The following ARID1B variants were observed in gnomAD, a reference collection of about 807,000 sequenced individuals.
ARID1B encodes the protein AT-rich interaction domain 1B.
ARID1B carries 30 observed loss-of-function variants against 212.3 expected under a neutral mutation model. That is an observed-to-expected ratio of 0.14 (90% confidence interval 0.11 to 0.19). The LOEUF is 0.19. Among genes scored for constraint, ARID1B ranks in the 10% least tolerant of loss-of-function variants. The probability of loss-of-function intolerance (pLI) is 1.00; values close to 1 mark genes in which losing one functional copy is unlikely to be tolerated. For missense variants in ARID1B, 2,891 were observed against 3,204.0 expected (o/e 0.90, Z 2.36); for synonymous variants, 1,402 against 1,301.7 (o/e 1.08, Z -1.66).
chr6:157,189,982 T>A, intron 14 of ARID1B, 56 bp from the exon 15 acceptor site: 1 of 1,596,502 alleles, frequency 6.3e-7, no homozygotes, highest in Non-Finnish European at 8.5e-7. Context: ...CTGAATGTAC[T>A]GTTTGGAGGT....
chr6:156,800,877 A>G (rs185211390), intron 1 of ARID1B, among the ~76,000 whole-genome samples: 4 of 152,290 alleles, frequency 2.6e-5, no homozygotes, highest in South Asian at 4.1e-4. Flanking sequence ...CCTGGGAGAT[A>G]GAGAAAGACC....
At position 156,787,158 on chromosome 6, in the gene ARID1B, A is replaced by G. The variant is rs191733124; in HGVS notation, c.1791+7687A>G. ...GGAAAATATAATCACTTTCAAATTT[A>G]TATAGAATGGTCCTTTTTCTTTTTC... is the stretch of plus-strand genomic sequence containing the variant. On this transcript the variant is annotated intron_variant, in intron 1 of 19. Transcript: ENST00000636930. Among the ~76,000 whole-genome samples the G allele has an allele frequency of 2.0e-5, 3 of 152,292 alleles. No individual in the cohort carries two copies. In the East Asian group the frequency reaches 5.8e-4, roughly 29 times the overall value.
chr6:156,887,501 T>C (rs566573733), intron 2 of ARID1B, among the ~76,000 whole-genome samples: 2 of 152,358 alleles, frequency 1.3e-5, no homozygotes, highest in African/African-American at 4.8e-5. Flanking sequence ...AGTATCTTCA[T>C]GGAACACTTA....
rs150219790 is a variant in ARID1B at position 156,801,258 on chromosome 6, T to C, written c.1791+21787T>C. Among the ~76,000 whole-genome samples, 344 of 146,250 alleles carry C rather than the reference T, an allele frequency of 2.4e-3. 1 individual carries two copies. Among genetic ancestry groups the C allele is most frequent in the African/African-American group, 8.3e-3 (324 of 38,960 alleles). On this transcript the variant is annotated intron_variant, in intron 1 of 19. Transcript: ENST00000636930. ...CTCTGTTGCCCACTCTGGAGTGCAG[T>C]GGTGCAATCTCGGCTCACTGCAACC...
intron 4 of ARID1B, among the ~76,000 whole-genome samples, chr6:156,983,863 G>T (rs1777767132): frequency 6.6e-6 from 1 of 152,130 alleles, no homozygotes; most frequent in African/African-American, 2.4e-5. Flanking sequence ...GGTTATACCA[G>T]CTGTGTTAAT....
chr6:156,922,202 T>C (rs1790865361), intron 3 of ARID1B, among the ~76,000 whole-genome samples: 1 of 150,078 alleles, frequency 6.7e-6, no homozygotes, highest in Non-Finnish European at 1.5e-5. Flanking sequence ...AGATGGAGTC[T>C]TGCTGTGTCG....
At chr6:157,155,788 G>C (rs1025552692) in intron 8 of ARID1B, among the ~76,000 whole-genome samples, 1 of 152,162 alleles carries the variant, frequency 6.6e-6, no homozygotes, top group Non-Finnish European at 1.5e-5. Context: ...AATATTTTGG[G>C]AGAGAATGTG....
rs766340916 is a variant in ARID1B, at chr6:157,181,077, G to C, written c.3613G>C (p.Glu1205Gln). 3.1e-6 allele frequency: 5 copies of C among 1,614,086 alleles called. No homozygotes were observed. Among genetic ancestry groups the C allele is most frequent in the Non-Finnish European group, 4.2e-6 (5 of 1,180,050 alleles). Residue 1205 changes from glutamate to glutamine, a missense_variant, in exon 12 of 20, where the codon GAG becomes CAG. This residue lies in a region of ARID1B where 666 missense variants were observed against 873.5 expected (regional missense o/e 0.76). Coordinates refer to ENST00000636930, the MANE Select transcript of ARID1B (RefSeq NM_001374828.1). ...WVDRYLTFMEERGSPVSSLPA... is the reference protein window; with the variant it reads ...WVDRYLTFMEQRGSPVSSLPA... The stretch of plus-strand genomic sequence containing the variant: ...CGACCGATACCTCACCTTCATGGAA[G>C]AGAGAGGCTCTCCTGTCTCAAGTCT...
At chr6:156,963,353 CTCTT>C (rs1456521057) in intron 4 of ARID1B, among the ~76,000 whole-genome samples, 2 of 152,108 alleles carry the variant, frequency 1.3e-5, no homozygotes, top group African/African-American at 4.8e-5. Flanking sequence ...TTACTATTTT[CTCTT>C]TCTTTCTCTG....
At chr6:157,029,136 G>T (rs1780864211) in intron 4 of ARID1B, among the ~76,000 whole-genome samples, 1 of 152,118 alleles carries the variant, frequency 6.6e-6, no homozygotes, top group Non-Finnish European at 1.5e-5. Context: ...TCTACTCTTG[G>T]CTAGAGAGAC....
chr6:156,855,933 T>G (rs1404849237), intron 2 of ARID1B, among the ~76,000 whole-genome samples: 1 of 152,216 alleles, frequency 6.6e-6, no homozygotes, highest in Non-Finnish European at 1.5e-5. Context: ...TATAGTGGTT[T>G]GTTCTCTGTT....
rs1787350477 is a variant in ARID1B at position 156,884,457 on chromosome 6, C to G, written c.1987-16919C>G. ...CAGGTCTTCTCTATTTCATGCAGGT[C>G]TTTGCCTCCTAAGCAGTGCGCCTTC... On this transcript the variant is annotated intron_variant, in intron 2 of 19. Transcript: ENST00000636930. 3.3e-5 allele frequency among the ~76,000 whole-genome samples: 5 copies of G among 152,184 alleles called. No homozygotes were observed. In the South Asian group the frequency reaches 1.0e-3, roughly 32 times the overall value.
intron 4 of ARID1B, among the ~76,000 whole-genome samples, chr6:157,073,141 C>T (rs1476998144): frequency 7.0e-6 from 1 of 142,422 alleles, no homozygotes; most frequent in Non-Finnish European, 1.5e-5. Context: ...CTCACTCTGT[C>T]GCTCTGGCTG....
At chr6:156,852,217 G>A (rs1222306146) in intron 2 of ARID1B, among the ~76,000 whole-genome samples, 1 of 152,070 alleles carries the variant, frequency 6.6e-6, no homozygotes, top group Non-Finnish European at 1.5e-5. Flanking sequence ...GGAGGCCGAG[G>A]TGGGAGGATT....
At chr6:157,125,996 T>TA (rs1176630767) in intron 6 of ARID1B, among the ~76,000 whole-genome samples, 1 of 152,194 alleles carries the variant, frequency 6.6e-6, no homozygotes, top group Non-Finnish European at 1.5e-5. Flanking sequence ...TTTTGCTTTT[T>TA]AAAAAATACT....
At chr6:156,991,936 AT>A (rs1322593172) in intron 4 of ARID1B, among the ~76,000 whole-genome samples, 4 of 152,348 alleles carry the variant, frequency 2.6e-5, no homozygotes, top group Admixed American at 2.6e-4. Flanking sequence ...TATTTAACAA[AT>A]TTGTAATCCT....
chr6:156,836,349 CAG>C (rs769726357), intron 2 of ARID1B, among the ~76,000 whole-genome samples: 4 of 152,114 alleles, frequency 2.6e-5, no homozygotes, highest in Non-Finnish European at 5.9e-5. Context: ...CCCTGTGAGT[CAG>C]GGTATTAGAG....
rs138412834 is a variant in ARID1B at position 157,201,058 on chromosome 6, C to G, written c.4833C>G (p.Pro1611=). The G allele has an allele frequency of 4.3e-5, 70 of 1,613,918 alleles. No homozygotes were observed. The highest frequency in any genetic ancestry group is 5.8e-5 in the Non-Finnish European group (69 of 1,179,826). The change falls in exon 18 of 20, where the codon CCC becomes CCG. Residue 1611 remains proline (P), a synonymous_variant. Transcript: ENST00000636930. The surrounding 1 kb of genome is among the most constrained non-coding windows in gnomAD (Gnocchi z 5.2). The stretch of plus-strand genomic sequence containing the variant: ...GCCCTGGCGGCCCTACACAGGCGCC[C>G]CCTTACCCAGGCATGAACCGCACAG... ...RQGPGGPTQA[P]PYPGMNRTDD...
chr6:157,145,075 C>G (rs1444064981), intron 7 of ARID1B, among the ~76,000 whole-genome samples: 2 of 152,194 alleles, frequency 1.3e-5, no homozygotes, highest in African/African-American at 4.8e-5. Flanking sequence ...GTGTCTTCCA[C>G]TTTCTTTCCC....
Sources: gnomAD v4.1 joint callset for allele counts (sites outside exome capture counted in the v4.1 genomes callset) on GRCh38, gnomAD v4.1.1 for gene constraint, gnomAD v4.1.1 regional missense constraint, Gnocchi (gnomAD v3.1) non-coding constraint, MANE v1.5 for transcripts, NCBI Gene and HGNC (gene_info 2026-07-23, HGNC 2026-07-21) for gene names.